SOX6: variants seen among roughly 807,000 people sequenced by gnomAD.
The protein encoded by SOX6 is transcription factor SOX-6.
Under a neutral mutation model 97.8 loss-of-function variants are expected in SOX6, and 11 were observed. The ratio of observed to expected loss-of-function variants is 0.11; its 90% CI spans 0.07 to 0.19. The LOEUF is 0.19. SOX6 is among the 10% of genes least tolerant of loss of function. The pLI is 1.00. For synonymous variants in SOX6, 360 were observed against 371.4 expected, an observed-to-expected ratio of 0.97 and a Z score of 0.35; for missense variants, 810 against 1,039.5, an observed-to-expected ratio of 0.78 and a Z score of 3.04.
intron 3 of SOX6, among the ~76,000 whole-genome samples, chr11:16,694,569 T>A (rs1439283938): frequency 1.3e-5 from 2 of 152,116 alleles, no homozygotes; most frequent in African/African-American, 2.4e-5. Context: ...CTCAGAAAAA[T>A]ACAGAGGTAC....
chr11:16,418,149 GAT>G (rs748866043), intron 1 of SOX6, among the ~76,000 whole-genome samples: 19 of 151,994 alleles, frequency 1.3e-4, no homozygotes, highest in Non-Finnish European at 2.5e-4. Context: ...ACTATATCCT[GAT>G]AAAACTACTG....
chr11:15,998,343 T>A (rs1015122372), intron 13 of SOX6, among the ~76,000 whole-genome samples: 3 of 150,354 alleles, frequency 2.0e-5, no homozygotes, highest in African/African-American at 7.3e-5. Flanking sequence ...TAGCATCAGA[T>A]AATAAAATAC....
At chr11:16,037,078 C>A (rs1253054407) in intron 12 of SOX6, among the ~76,000 whole-genome samples, 1 of 152,092 alleles carries the variant, frequency 6.6e-6, no homozygotes. Flanking sequence ...AATCAAATGA[C>A]TTCAAACTTA....
At chr11:16,514,498 A>T (rs1860932042) in intron 4 of SOX6, among the ~76,000 whole-genome samples, 1 of 152,150 alleles carries the variant, frequency 6.6e-6, no homozygotes, top group Middle Eastern at 3.4e-3. Context: ...CAGTTTTCCC[A>T]GACTTATAAA....
intron 9 of SOX6, among the ~76,000 whole-genome samples, chr11:16,094,145 C>T (rs562317248): frequency 6.6e-6 from 1 of 151,986 alleles, no homozygotes; most frequent in South Asian, 2.1e-4. Flanking sequence ...AATGGTTTAC[C>T]TGTTTAGCCT....
At chr11:16,688,839 T>C (rs1457417944) in intron 3 of SOX6, among the ~76,000 whole-genome samples, 2 of 152,226 alleles carry the variant, frequency 1.3e-5, no homozygotes, top group African/African-American at 2.4e-5. Context: ...TTGATGGGTG[T>C]TGGATGTTTT....
chr11:16,308,221 C>G (rs1855494896), intron 3 of SOX6, among the ~76,000 whole-genome samples: 1 of 152,026 alleles, frequency 6.6e-6, no homozygotes, highest in Admixed American at 6.6e-5. Context: ...AGGACAGTTT[C>G]AAGCATAATG....
At chr11:16,640,019 C>T (rs1218057738) in intron 3 of SOX6, among the ~76,000 whole-genome samples, 1 of 152,090 alleles carries the variant, frequency 6.6e-6, no homozygotes. Context: ...CAGTTTTTGC[C>T]CATTCAGTGT....
At chr11:16,606,666 G>T (rs763655740) in intron 4 of SOX6, among the ~76,000 whole-genome samples, 1 of 152,214 alleles carries the variant, frequency 6.6e-6, no homozygotes, top group African/African-American at 2.4e-5. Flanking sequence ...GAGGTGGGCC[G>T]AGAGGGCAGA....
chr11:16,040,609 T>C (rs1855635878), intron 12 of SOX6, among the ~76,000 whole-genome samples: 1 of 152,106 alleles, frequency 6.6e-6, no homozygotes, highest in Non-Finnish European at 1.5e-5. Context: ...TATATCTAGA[T>C]AGACTTCTTT....
At chr11:16,437,259 A>G (rs1859395557) in intron 1 of SOX6, among the ~76,000 whole-genome samples, 1 of 147,624 alleles carries the variant, frequency 6.8e-6, no homozygotes, top group South Asian at 2.2e-4. Flanking sequence ...GCAGAGCAAA[A>G]CCCTGTCTCT....
chr11:16,346,951 C>A (rs1205828563), intron 1 of SOX6, among the ~76,000 whole-genome samples: 1 of 152,084 alleles, frequency 6.6e-6, no homozygotes, highest in Non-Finnish European at 1.5e-5. Flanking sequence ...CTACCTGGAA[C>A]AGATTCTTCT....
chr11:16,349,369 C>A (rs1439801294), intron 1 of SOX6, among the ~76,000 whole-genome samples: 1 of 152,056 alleles, frequency 6.6e-6, no homozygotes, highest in East Asian at 1.9e-4. Flanking sequence ...GTAATCCCAG[C>A]ACTTTGGGAA....
chr11:16,238,018 A>G (rs911714600), intron 3 of SOX6, among the ~76,000 whole-genome samples: 18 of 151,994 alleles, frequency 1.2e-4, no homozygotes, highest in Non-Finnish European at 2.4e-4. Flanking sequence ...CATTATGCTA[A>G]AGTCGTATTG....
chr11:16,145,083 T>C (rs928505391), intron 6 of SOX6, among the ~76,000 whole-genome samples: 4 of 152,110 alleles, frequency 2.6e-5, no homozygotes, highest in African/African-American at 9.7e-5. Context: ...CTGATGAACA[T>C]CAATGCAAAA....
At chr11:16,571,087 G>A (rs1341738147) in intron 4 of SOX6, among the ~76,000 whole-genome samples, 2 of 152,152 alleles carry the variant, frequency 1.3e-5, no homozygotes, top group African/African-American at 4.8e-5. Context: ...CCTCAGAGAA[G>A]ATATTAGAAT....
chr11:16,304,486 A>C (rs1162343286), intron 3 of SOX6, among the ~76,000 whole-genome samples: 1 of 152,300 alleles, frequency 6.6e-6, no homozygotes, highest in East Asian at 1.9e-4. Context: ...CCAGACACCA[A>C]ATCTGTTGGT....
intron 10 of SOX6, among the ~76,000 whole-genome samples, chr11:16,053,563 G>C (rs1024855589): frequency 6.6e-6 from 1 of 151,984 alleles, no homozygotes; most frequent in Non-Finnish European, 1.5e-5. Context: ...GTTTTTTTCA[G>C]AGGAGAAAAC....
intron 4 of SOX6, among the ~76,000 whole-genome samples, chr11:16,602,359 C>G (rs4325274): frequency 0.74 from 111,801 of 152,038 alleles, 41,297 homozygotes; most frequent in East Asian, 0.95. Flanking sequence ...CGGGATCCTG[C>G]TTACTTACTA....
Sources: allele counts gnomAD v4.1 joint callset (sites outside exome capture counted in the v4.1 genomes callset), GRCh38; gene constraint gnomAD v4.1.1; transcripts MANE v1.5; gene names NCBI Gene and HGNC (gene_info 2026-07-23, HGNC 2026-07-21).